GNA14: variants seen among roughly 807,000 people sequenced by gnomAD.
The protein encoded by GNA14 is guanine nucleotide-binding protein subunit alpha-14.
In GNA14, 50 loss-of-function variants were observed where a neutral mutation model predicts 42.0. The observed-to-expected ratio is 1.19, with a 90% confidence interval of 0.95 to 1.51. The LOEUF (loss-of-function observed/expected upper bound fraction) is 1.51, where lower values mean the gene tolerates loss of function less well. Ranked by LOEUF, GNA14 falls within the 40% of genes most tolerant of loss-of-function variation. The probability of loss-of-function intolerance (pLI) is 0.00; values close to 1 mark genes in which losing one functional copy is unlikely to be tolerated. For synonymous variants in GNA14, 173 were observed against 163.1 expected (o/e 1.06, Z -0.46); for missense variants, 473 against 446.2 (o/e 1.06, Z -0.54).
chr9:77,510,622 G>A (rs1179076966), intron 2 of GNA14, among the ~76,000 whole-genome samples: 1 of 152,220 alleles, frequency 6.6e-6, no homozygotes, highest in African/African-American at 2.4e-5. Context: ...CCTGCCCTCA[G>A]ATGGGTACTG....
At chr9:77,548,534 A>C (rs1161497847) in intron 1 of GNA14, among the ~76,000 whole-genome samples, 1 of 152,152 alleles carries the variant, frequency 6.6e-6, no homozygotes, top group Non-Finnish European at 1.5e-5. Context: ...GGACATAATA[A>C]AGTTCCTCTA....
At chr9:77,475,911 G>T (rs925014638) in intron 2 of GNA14, among the ~76,000 whole-genome samples, 1 of 152,150 alleles carries the variant, frequency 6.6e-6, no homozygotes, top group Non-Finnish European at 1.5e-5. Context: ...CAGGCATGGT[G>T]GGCATATCCC....
chr9:77,614,340 C>T (rs961579783), intron 1 of GNA14, among the ~76,000 whole-genome samples: 4 of 152,174 alleles, frequency 2.6e-5, no homozygotes, highest in Admixed American at 2.6e-4. Context: ...CCTTCCATCT[C>T]ATTGTCTCTG....
At chr9:77,531,597 A>G (rs139336498) in intron 1 of GNA14, among the ~76,000 whole-genome samples, 2 of 152,298 alleles carry the variant, frequency 1.3e-5, no homozygotes, top group Non-Finnish European at 2.9e-5. Context: ...TAATATGGCT[A>G]CATTTACACA....
intron 2 of GNA14, among the ~76,000 whole-genome samples, chr9:77,479,514 T>C (rs1836501878): frequency 6.6e-6 from 1 of 152,198 alleles, no homozygotes; most frequent in Admixed American, 6.5e-5. Context: ...GGGCTCTTTT[T>C]TGGTTCCATA....
At chr9:77,608,107 C>T (rs952493929) in intron 1 of GNA14, among the ~76,000 whole-genome samples, 2 of 152,172 alleles carry the variant, frequency 1.3e-5, no homozygotes, top group Non-Finnish European at 2.9e-5. Flanking sequence ...GGGCATGATG[C>T]TGCTACCTTA....
intron 1 of GNA14, among the ~76,000 whole-genome samples, chr9:77,619,743 G>A (rs113634297): frequency 0.017 from 2,521 of 152,204 alleles, 58 homozygotes; most frequent in African/African-American, 0.057. Flanking sequence ...ACTACATAAT[G>A]TTATTGCTAT....
At chr9:77,588,263 C>T (rs1012872089) in intron 1 of GNA14, among the ~76,000 whole-genome samples, 7 of 152,152 alleles carry the variant, frequency 4.6e-5, no homozygotes, top group African/African-American at 1.7e-4. Flanking sequence ...TCCACCACAC[C>T]CTGACACCCC....
At chr9:77,524,910 G>A (rs1046466916) in intron 2 of GNA14, among the ~76,000 whole-genome samples, 1 of 152,078 alleles carries the variant, frequency 6.6e-6, no homozygotes, top group Non-Finnish European at 1.5e-5. Flanking sequence ...GGCTTATGAA[G>A]TAGACAGAGC....
At chr9:77,523,321 A>G (rs550759274) in intron 2 of GNA14, among the ~76,000 whole-genome samples, 3 of 152,192 alleles carry the variant, frequency 2.0e-5, no homozygotes, top group African/African-American at 4.8e-5. Context: ...ACTTACAATC[A>G]TGGCCGAAGG....
chr9:77,495,077 G>A (rs1345161176), intron 2 of GNA14, among the ~76,000 whole-genome samples: 1 of 152,156 alleles, frequency 6.6e-6, no homozygotes, highest in East Asian at 1.9e-4. Context: ...TGAGATTACA[G>A]GCATGAGCCA....
At chr9:77,531,904 T>C (rs544779360) in intron 1 of GNA14, among the ~76,000 whole-genome samples, 4 of 152,226 alleles carry the variant, frequency 2.6e-5, no homozygotes, top group Non-Finnish European at 5.9e-5. Flanking sequence ...AAGATATAGA[T>C]GTATTCAATA....
At chr9:77,490,673 C>G (rs982772414) in intron 2 of GNA14, among the ~76,000 whole-genome samples, 38 of 152,210 alleles carry the variant, frequency 2.5e-4, no homozygotes, top group African/African-American at 9.2e-4. Context: ...CCGGCCGCTC[C>G]GAGTGCGGGG....
At chr9:77,488,943 A>G (rs1389916553) in intron 2 of GNA14, among the ~76,000 whole-genome samples, 2 of 152,146 alleles carry the variant, frequency 1.3e-5, no homozygotes, top group East Asian at 1.9e-4. Context: ...GGAGTCTGCA[A>G]CTGACCCTAA....
chr9:77,640,501 A>G (rs1824240593), intron 1 of GNA14, among the ~76,000 whole-genome samples: 1 of 152,184 alleles, frequency 6.6e-6, no homozygotes, highest in Non-Finnish European at 1.5e-5. Flanking sequence ...TTAAAAAGAA[A>G]AAGAAAAAAA....
At chr9:77,556,289 A>G (rs1029501863) in intron 1 of GNA14, among the ~76,000 whole-genome samples, 3 of 152,164 alleles carry the variant, frequency 2.0e-5, no homozygotes, top group Non-Finnish European at 2.9e-5. Flanking sequence ...ACAGTTGCAT[A>G]TCTACAAAAG....
intron 2 of GNA14, among the ~76,000 whole-genome samples, chr9:77,442,355 G>A (rs1175578536): frequency 6.6e-6 from 1 of 152,220 alleles, no homozygotes; most frequent in East Asian, 1.9e-4. Context: ...CTGGGCAACA[G>A]AGTGAGACTA....
chr9:77,635,126 A>T (rs1480293031), intron 1 of GNA14: 2 of 152,172 alleles, frequency 1.3e-5, no homozygotes, highest in Non-Finnish European at 2.9e-5. Context: ...TCACCCAAAC[A>T]GTGTACACTG....
intron 2 of GNA14, among the ~76,000 whole-genome samples, chr9:77,460,033 T>A (rs978678412): frequency 6.6e-6 from 1 of 152,148 alleles, no homozygotes; most frequent in African/African-American, 2.4e-5. Flanking sequence ...CTCCCTGTTC[T>A]TTTTCTCCCA....
Sources: allele counts gnomAD v4.1 joint callset (sites outside exome capture counted in the v4.1 genomes callset), GRCh38; gene constraint gnomAD v4.1.1; transcripts MANE v1.5; gene names NCBI Gene and HGNC (gene_info 2026-07-23, HGNC 2026-07-21).